The following SLC43A1 variants were observed in gnomAD, a reference collection of about 807,000 sequenced individuals.
The protein encoded by SLC43A1 is solute carrier family 43 member 1, also known as large neutral amino acids transporter small subunit 3.
Under a neutral mutation model 59.5 loss-of-function variants are expected in SLC43A1, and 31 were observed. The ratio of observed to expected loss-of-function variants is 0.52; its 90% CI spans 0.39 to 0.70. The LOEUF is 0.70. Among genes scored for constraint, SLC43A1 ranks in the 30% least tolerant of loss-of-function variants. The pLI is 0.00. For synonymous variants in SLC43A1, 259 were observed against 290.9 expected (o/e 0.89, Z 1.12); for missense variants, 598 against 717.8 (o/e 0.83, Z 1.91).
rs768659558 is a variant in SLC43A1 at position 57,491,739 on chromosome 11, A to G, written c.995T>C (p.Leu332Pro). ...ACCATGCTCCTGGCCACCAGTCACAAGGTACTCCAGCATCTTGTTCACAGC... is the reference window on the plus strand; with the variant it reads ...ACCATGCTCCTGGCCACCAGTCACAGGGTACTCCAGCATCTTGTTCACAGC... Reference protein sequence around the residue: ...MAAVNKMLEYLVTGGQEHETN... With the variant: ...MAAVNKMLEYPVTGGQEHETN... The change falls in exon 9 of 15, where the codon CTT becomes CCT. Residue 332 changes from leucine to proline, a missense_variant. By Grantham distance (98) the Leu-to-Pro change is moderately conservative. Transcript: ENST00000278426. 5.0e-6 allele frequency: 8 copies of G among 1,614,124 alleles called. No homozygotes were observed. Among genetic ancestry groups the G allele is most frequent in the Admixed American group, 1.7e-5 (1 of 60,012 alleles).
intron 14 of SLC43A1, among the ~76,000 whole-genome samples, chr11:57,486,324 G>A (rs1168017798): frequency 6.6e-6 from 1 of 152,128 alleles, no homozygotes; most frequent in African/African-American, 2.4e-5. Flanking sequence ...CTGTTTATCT[G>A]TACAAAATTT....
Position 57,493,976 on chromosome 11 carries a change from C to CTTG in SLC43A1, c.871+14_871+16dup, listed in dbSNP as rs1490588920. 3 of 1,570,998 alleles carry CTTG rather than the reference C, an allele frequency of 1.9e-6. No homozygotes were observed. In the African/African-American group the frequency reaches 4.1e-5, roughly 22 times the overall value. On this transcript the variant is annotated intron_variant, in intron 8 of 14. Coordinates refer to ENST00000278426, the MANE Select transcript of SLC43A1 (RefSeq NM_003627.6). ...CATCACTATCCCCCAAGGCCGGCAC[C>CTTG]TTGACCAGACACTCACTCTCAGGAA...
chr11:57,501,140 C>A lies in SLC43A1; in HGVS notation c.332+12G>T. The A allele has an allele frequency of 1.2e-6, 2 of 1,612,766 alleles. No individual in the cohort carries two copies. Among genetic ancestry groups the A allele is most frequent in the Non-Finnish European group, 1.7e-6 (2 of 1,179,726 alleles). ...CCCTGTCCTCCCGTTCCCCATAGCC[C>A]AGCCACCTCACCTGCCAACCAGCCG... On this transcript the variant is annotated intron_variant, in intron 3 of 14. Transcript: ENST00000278426.
rs1046043366 is a variant in SLC43A1, at chr11:57,487,104, C to A, written c.1524G>T (p.Glu508Asp). The A allele has an allele frequency of 1.1e-5, 17 of 1,613,888 alleles. No individual in the cohort carries two copies. In the South Asian group the frequency reaches 1.9e-4, roughly 18 times the overall value. The change falls in exon 14 of 15, where the codon GAG (glutamate) becomes GAT (aspartate). Residue 508 changes from glutamate to aspartate, a missense_variant. Transcript: ENST00000278426. The stretch of plus-strand genomic sequence containing the variant: ...CAACCCTCGCTCTCACCCAGAAGGG[C>A]TCTCCTTTCAGGGGTCCCACCATCG... ...FMAMVGPLKG[E>D]PFWVNLGLLL...
At chr11:57,496,500 T>C (rs1051628823) in intron 6 of SLC43A1, among the ~76,000 whole-genome samples, 8 of 152,234 alleles carry the variant, frequency 5.3e-5, no homozygotes, top group African/African-American at 1.9e-4. Context: ...TTCATGTTCA[T>C]GTTCGCACAA....
At chr11:57,504,840 G>T (rs947486707) in intron 2 of SLC43A1, among the ~76,000 whole-genome samples, 1 of 152,188 alleles carries the variant, frequency 6.6e-6, no homozygotes, top group Admixed American at 6.5e-5. Flanking sequence ...ATTCATTCCT[G>T]TTTTATCGAT....
chr11:57,496,473 C>T (rs1366790719), intron 6 of SLC43A1, among the ~76,000 whole-genome samples: 1 of 152,188 alleles, frequency 6.6e-6, no homozygotes, highest in Non-Finnish European at 1.5e-5. Context: ...ACATTTTTGC[C>T]TATGACTCCA....
chr11:57,484,936 C>T lies in SLC43A1; in HGVS notation c.*160G>A. ...GGCGTTTTTGAAGGTTTTTTTTCCTCCTTTTTGCAGTCTTTACAAAAATAG... is the reference window on the plus strand; with the variant it reads ...GGCGTTTTTGAAGGTTTTTTTTCCTTCTTTTTGCAGTCTTTACAAAAATAG... On this transcript the variant is annotated 3_prime_UTR_variant, in exon 15 of 15. Transcript: ENST00000278426. The T allele has an allele frequency of 1.1e-6, 1 of 897,566 alleles. No individual in the cohort carries two copies. Among genetic ancestry groups the T allele is most frequent in the African/African-American group, 1.7e-5 (1 of 59,150 alleles). The allele number at this position is 897,566 out of a possible 1,614,324, so 55.6% of individuals were successfully genotyped here. A position where few individuals can be genotyped will look rare whatever the true frequency, so the allele number is the denominator to read the frequency against.
At chr11:57,497,678 A>G in intron 6 of SLC43A1, 75 bp downstream of exon 6, 4 of 1,106,286 alleles carry the variant, frequency 3.6e-6, no homozygotes, top group Non-Finnish European at 4.0e-6. Context: ...CCCGTGGGTC[A>G]GCACTAGCTG....
At chr11:57,492,479 T>TA (rs199557170) in intron 8 of SLC43A1, among the ~76,000 whole-genome samples, 12 of 130,994 alleles carry the variant, frequency 9.2e-5, no homozygotes, top group African/African-American at 3.2e-4. Flanking sequence ...AATTTATATA[T>TA]AAAAAATAAT....
At chr11:57,508,612 G>A (rs756591359) in intron 2 of SLC43A1, among the ~76,000 whole-genome samples, 57 of 152,236 alleles carry the variant, frequency 3.7e-4, no homozygotes, top group Non-Finnish European at 6.5e-4. Flanking sequence ...TGCTTTGCAA[G>A]AATGGACAAA....
chr11:57,512,735 C>T (rs901268120), intron 2 of SLC43A1, among the ~76,000 whole-genome samples: 2 of 152,002 alleles, frequency 1.3e-5, no homozygotes, highest in South Asian at 2.1e-4. Context: ...ACCCACCCAG[C>T]CATCCCAGCC....
intron 2 of SLC43A1, among the ~76,000 whole-genome samples, chr11:57,508,526 G>A (rs554296805): frequency 6.6e-6 from 1 of 152,326 alleles, no homozygotes; most frequent in African/African-American, 2.4e-5. Flanking sequence ...CCCACAGTCA[G>A]CCCGAGAGCC....
intron 8 of SLC43A1, among the ~76,000 whole-genome samples, chr11:57,493,282 C>A (rs1490914289): frequency 2.6e-5 from 4 of 152,168 alleles, no homozygotes; most frequent in African/African-American, 9.7e-5. Flanking sequence ...AGAATCGGCA[C>A]TGGGGGTAAC....
rs182970529 is a variant in SLC43A1, at chr11:57,492,971, C to T, written c.871+1022G>A. Among the ~76,000 whole-genome samples the T allele has an allele frequency of 3.2e-3, 484 of 151,658 alleles. 2 individuals carry two copies. The highest frequency in any genetic ancestry group is 6.5e-3 in the Admixed American group (99 of 15,202). Reference sequence around the variant, plus strand: ...AGGAGAATTGCTTGAACCCGGGAGGCGGAGGTTGCAGTGAGCCAAGATCAT... The same window carrying T: ...AGGAGAATTGCTTGAACCCGGGAGGTGGAGGTTGCAGTGAGCCAAGATCAT... On this transcript the variant is annotated intron_variant, in intron 8 of 14. Coordinates refer to ENST00000278426, the MANE Select transcript of SLC43A1 (RefSeq NM_003627.6).
In SLC43A1 at chr11:57,497,657, G is replaced by A. The variant is rs1590760808; in HGVS notation, c.558+96C>T. On this transcript the variant is annotated intron_variant, in intron 6 of 14. Coordinates refer to ENST00000278426, the MANE Select transcript of SLC43A1 (RefSeq NM_003627.6). ...GGATGATGACAGAGAAAGGAGAGCG[G>A]AGAAGTCAGACCCGTGGGTCAGCAC... 2.3e-5 allele frequency: 19 copies of A among 809,462 alleles called. No individual in the cohort carries two copies. The East Asian group carries it at 4.7e-4, about 20-fold the overall frequency. The allele number at this position is 809,462 out of a possible 1,614,324, so 50.1% of individuals were successfully genotyped here.
rs1284587918 is a variant in SLC43A1, at chr11:57,491,299, A to G, written c.1118T>C (p.Ile373Thr). Residue 373 changes from isoleucine to threonine, a missense_variant, in exon 11 of 15, where the codon ATT (isoleucine) becomes ACT (threonine). Transcript: ENST00000278426. ...GATCCGCCAGTCCATGATGTAGCCA[A>G]TGAGGGGGCAGGTGAGAAGGCACAA... ...QLLCLLTCPL[I>T]GYIMDWRIKD... 1.2e-6 allele frequency: 2 copies of G among 1,611,972 alleles called. No individual in the cohort carries two copies. Among genetic ancestry groups the G allele is most frequent in the Non-Finnish European group, 1.7e-6 (2 of 1,178,894 alleles).
chr11:57,502,213 G>T (rs762794017), intron 2 of SLC43A1, among the ~76,000 whole-genome samples: 1 of 152,244 alleles, frequency 6.6e-6, no homozygotes, highest in East Asian at 1.9e-4. Context: ...AGGCCTCCAA[G>T]TTGTCACTTG....
chr11:57,507,504 G>A (rs532460569), intron 2 of SLC43A1, among the ~76,000 whole-genome samples: 4 of 152,192 alleles, frequency 2.6e-5, no homozygotes, highest in African/African-American at 4.8e-5. Context: ...TTAGCCGTGC[G>A]TGGTGGTACA....
Sources: gnomAD v4.1 joint callset for allele counts (sites outside exome capture counted in the v4.1 genomes callset) on GRCh38, gnomAD v4.1.1 for gene constraint, MANE v1.5 for transcripts, NCBI Gene and HGNC (gene_info 2026-07-23, HGNC 2026-07-21) for gene names.